AK5: variants seen among roughly 807,000 people sequenced by gnomAD.
AK5 encodes the protein adenylate kinase isoenzyme 5.
AK5 carries 27 observed loss-of-function variants against 69.5 expected under a neutral mutation model. The ratio of observed to expected loss-of-function variants is 0.39; its 90% CI spans 0.29 to 0.54. The LOEUF (loss-of-function observed/expected upper bound fraction) is 0.54, where lower values mean the gene tolerates loss of function less well. AK5 is among the 20% of genes least tolerant of loss of function. AK5 has a pLI of 0.71. For synonymous variants in AK5, 260 were observed against 244.4 expected (o/e 1.06, Z -0.60); for missense variants, 531 against 700.4 (o/e 0.76, Z 2.73).
intron 6 of AK5, among the ~76,000 whole-genome samples, chr1:77,372,628 A>G (rs1327043713): frequency 6.6e-6 from 1 of 152,196 alleles, no homozygotes; most frequent in Non-Finnish European, 1.5e-5. Flanking sequence ...TATCTACCAA[A>G]TCACTTTGGA....
In AK5 at chr1:77,365,204, A is replaced by G. The variant is rs140510941; in HGVS notation, c.891+24636A>G. Among the ~76,000 whole-genome samples, 102 of 152,060 alleles carry G rather than the reference A, an allele frequency of 6.7e-4. 1 individual carries two copies. In the East Asian group the frequency reaches 0.019, roughly 29 times the overall value. ...GTTCAGGTCAATGGCTCATTTTTTAATTGGATTGTTTGTGTTTCCGCTGTG... is the reference window on the plus strand; with the variant it reads ...GTTCAGGTCAATGGCTCATTTTTTAGTTGGATTGTTTGTGTTTCCGCTGTG... On this transcript the variant is annotated intron_variant, in intron 6 of 13. Transcript: ENST00000354567.
intron 5 of AK5, among the ~76,000 whole-genome samples, chr1:77,325,281 A>G (rs1478625731): frequency 6.6e-6 from 1 of 151,804 alleles, no homozygotes; most frequent in East Asian, 1.9e-4. Flanking sequence ...TTGGGATTAC[A>G]GGCATAAGCC....
At chr1:77,497,283 C>G (rs1256043461) in intron 10 of AK5, among the ~76,000 whole-genome samples, 1 of 152,120 alleles carries the variant, frequency 6.6e-6, no homozygotes, top group Non-Finnish European at 1.5e-5. Flanking sequence ...ACAAACAACT[C>G]TGGATGTGCC....
intron 8 of AK5, among the ~76,000 whole-genome samples, chr1:77,437,480 A>G (rs1652023233): frequency 6.6e-6 from 1 of 152,140 alleles, no homozygotes; most frequent in South Asian, 2.1e-4. Flanking sequence ...ACCTGTTCAC[A>G]TGGCTAAATT....
chr1:77,546,285 TTAACTCAGAACCCCTC>T (rs1461659396), intron 13 of AK5, among the ~76,000 whole-genome samples: 1 of 152,148 alleles, frequency 6.6e-6, no homozygotes, highest in African/African-American at 2.4e-5. Context: ...GAGGTCCACT[TTAACTCAGAACCCCTC>T]CCAGAGTCAC....
intron 12 of AK5, chr1:77,531,995 C>CGGCCGGCA (rs1427853233): frequency 2.2e-5 from 3 of 138,752 alleles, no homozygotes; most frequent in African/African-American, 5.0e-5. Context: ...GCCATCCGGC[C>CGGCCGGCA]GGCCGGCCGG....
chr1:77,539,045 G>A (rs1042288612), intron 13 of AK5, among the ~76,000 whole-genome samples: 1 of 152,246 alleles, frequency 6.6e-6, no homozygotes, highest in Non-Finnish European at 1.5e-5. Context: ...ACAGAAGTGA[G>A]GAACTGAGGT....
At chr1:77,531,388 T>C (rs1658575247) in intron 12 of AK5, among the ~76,000 whole-genome samples, 1 of 152,184 alleles carries the variant, frequency 6.6e-6, no homozygotes, top group South Asian at 2.1e-4. Flanking sequence ...TACAGAGAGC[T>C]GATTGGTCCG....
chr1:77,479,897 G>T (rs1655155447), intron 8 of AK5, among the ~76,000 whole-genome samples: 1 of 152,206 alleles, frequency 6.6e-6, no homozygotes, highest in South Asian at 2.1e-4. Context: ...CTCAAGTGAT[G>T]CCTCATTGAA....
intron 6 of AK5, among the ~76,000 whole-genome samples, chr1:77,405,742 A>G (rs1649580253): frequency 6.6e-6 from 1 of 152,136 alleles, no homozygotes; most frequent in African/African-American, 2.4e-5. Flanking sequence ...AGGAGACTGG[A>G]GGAACCAGCA....
chr1:77,383,671 G>A (rs186363495), intron 6 of AK5, among the ~76,000 whole-genome samples: 35 of 152,168 alleles, frequency 2.3e-4, no homozygotes, highest in East Asian at 1.7e-3. Flanking sequence ...TTGAAGAACC[G>A]TCAAAGTTAC....
chr1:77,362,134 T>A (rs1646876524), intron 6 of AK5, among the ~76,000 whole-genome samples: 2 of 152,188 alleles, frequency 1.3e-5, no homozygotes, highest in South Asian at 4.1e-4. Context: ...AATAAATGTT[T>A]GTTGGATTTT....
chr1:77,371,065 A>T (rs1647112783), intron 6 of AK5, among the ~76,000 whole-genome samples: 1 of 152,150 alleles, frequency 6.6e-6, no homozygotes, highest in Admixed American at 6.5e-5. Flanking sequence ...CCCAGAGAGG[A>T]TGTGGGTATG....
At chr1:77,369,349 A>G (rs1378365137) in intron 6 of AK5, among the ~76,000 whole-genome samples, 2 of 152,208 alleles carry the variant, frequency 1.3e-5, no homozygotes, top group Non-Finnish European at 2.9e-5. Context: ...ATCCAGTTTT[A>G]AAATATAGAG....
intron 6 of AK5, among the ~76,000 whole-genome samples, chr1:77,368,258 A>C (rs1380542075): frequency 9.5e-6 from 1 of 105,070 alleles, no homozygotes; most frequent in Non-Finnish European, 1.9e-5. Flanking sequence ...TATATAATAT[A>C]TATGTTATAT....
In AK5 at chr1:77,361,357, A is replaced by G. The variant is rs923647163; in HGVS notation, c.891+20789A>G. On this transcript the variant is annotated intron_variant, in intron 6 of 13. Coordinates refer to ENST00000354567, the MANE Select transcript of AK5 (RefSeq NM_174858.3). ...CCAGCTTCTATCACTTACTACCTATAGGACCTGACAACTACTGTATTTAGT... is the reference window on the plus strand; with the variant it reads ...CCAGCTTCTATCACTTACTACCTATGGGACCTGACAACTACTGTATTTAGT... Among the ~76,000 whole-genome samples the G allele has an allele frequency of 2.6e-5, 4 of 152,344 alleles. No homozygotes were observed. In the East Asian group the frequency reaches 5.8e-4, roughly 22 times the overall value.
At chr1:77,283,380 C>G (rs1013226382) in intron 1 of AK5, 1 of 985,248 alleles carries the variant, frequency 1.0e-6, no homozygotes, top group East Asian at 1.1e-4. Context: ...ACCTCGTTCC[C>G]CATTTCTGAA....
chr1:77,475,402 TATATG>T (rs1242127974), intron 8 of AK5, among the ~76,000 whole-genome samples: 3 of 7,704 alleles, frequency 3.9e-4, no homozygotes, highest in Admixed American at 6.2e-3. Flanking sequence ...ATATATAATA[TATATG>T]TATATATATA....
chr1:77,312,289 C>A (rs1328890827), intron 5 of AK5, among the ~76,000 whole-genome samples: 1 of 152,122 alleles, frequency 6.6e-6, no homozygotes, highest in East Asian at 1.9e-4. Flanking sequence ...CCATAATCTT[C>A]TATCAACTCT....
Sources: gnomAD v4.1 joint callset for allele counts (sites outside exome capture counted in the v4.1 genomes callset) on GRCh38, gnomAD v4.1.1 for gene constraint, MANE v1.5 for transcripts, NCBI Gene and HGNC (gene_info 2026-07-23, HGNC 2026-07-21) for gene names.